SLC6A8: variants seen among roughly 807,000 people sequenced by gnomAD.
SLC6A8 encodes the protein sodium- and chloride-dependent creatine transporter 1.
In SLC6A8, 6 loss-of-function variants were observed where a neutral mutation model predicts 48.3. The ratio of observed to expected loss-of-function variants is 0.12; its 90% CI spans 0.07 to 0.25. SLC6A8 has a LOEUF of 0.25. Among genes scored for constraint, SLC6A8 ranks in the 10% least tolerant of loss-of-function variants. The pLI, the probability that SLC6A8 is intolerant of heterozygous loss-of-function variation, is 1.00. For synonymous variants in SLC6A8, 245 were observed against 244.0 expected (o/e 1.00, Z -0.04); for missense variants, 260 against 551.5 (o/e 0.47, Z 5.29).
chrX:153,689,638 G>A (rs1309958039), intron 1 of SLC6A8: 4 of 583,443 alleles, frequency 6.9e-6, no homozygotes, highest in Non-Finnish European at 8.3e-6. Context: ...GTAGTGGAGC[G>A]AGCCCAGCCA....
chrX:153,688,634 C>A lies in SLC6A8; in HGVS notation c.60C>A (p.Gly20=). The change falls in exon 1 of 13, where the codon GGC becomes GGA. Residue 20 remains glycine, a synonymous_variant. Transcript: ENST00000253122. ...GCGTGTCCGGCGACGAGAAGAAGGG[C>A]CCCCTCATCGCGCCCGGGCCCGACG... ...IYSVSGDEKK[G]PLIAPGPDGA... 1 of 1,079,259 alleles carries A rather than the reference C, an allele frequency of 9.3e-7. No homozygotes were observed. The allele number at this position is 1,079,259 out of a possible 1,213,427, so 88.9% of individuals were successfully genotyped here. A position where few individuals can be genotyped will look rare whatever the true frequency, so the allele number is the denominator to read the frequency against.
rs1557045409 is a variant in SLC6A8 at position 153,694,204 on chromosome X, G to A, written c.1329G>A (p.Arg443=). ...CCTCCTACTACTTCCGTTTCCAAAGGGAGATCTCTGTGGCCCTCTGTTGTG... is the reference window on the plus strand; with the variant it reads ...CCTCCTACTACTTCCGTTTCCAAAGAGAGATCTCTGTGGCCCTCTGTTGTG... ...LPASYYFRFQ[R]EISVALCCAL... Residue 443 remains arginine (R), a synonymous_variant, in exon 9 of 13, where the codon AGG becomes AGA. Transcript: ENST00000253122. The A allele has an allele frequency of 8.3e-7, 1 of 1,210,797 alleles. No homozygotes were observed. The highest frequency in any genetic ancestry group is 1.1e-6 in the Non-Finnish European group (1 of 894,715).
chrX:153,693,292 C>T lies in SLC6A8; in HGVS notation c.942C>T (p.Phe314=). Residue 314 remains phenylalanine (F), a synonymous_variant, in exon 6 of 13, where the codon TTC becomes TTT. Transcript: ENST00000253122. ...QVWIDAGTQI[F]FSYAIGLGAL... Reference sequence around the variant, plus strand: ...GGATAGATGCGGGGACCCAGATTTTCTTTTCTTACGCCATTGGCCTGGGGG... The same window carrying T: ...GGATAGATGCGGGGACCCAGATTTTTTTTTCTTACGCCATTGGCCTGGGGG... The T allele has an allele frequency of 8.3e-7, 1 of 1,211,695 alleles. No individual in the cohort carries two copies. The highest frequency in any genetic ancestry group is 1.8e-5 in the South Asian group (1 of 57,014).
chrX:153,692,944 C>G (rs782429392), intron 4 of SLC6A8, 97 bp from the exon 5 acceptor site: 5 of 1,067,533 alleles, frequency 4.7e-6, no homozygotes, highest in African/African-American at 1.8e-5. Context: ...ATGGGGACCT[C>G]TGAACATACC....
chrX:153,690,901 C>A (rs2091452418), intron 2 of SLC6A8: 2 of 242,366 alleles, frequency 8.3e-6, no homozygotes, highest in East Asian at 9.7e-5. Flanking sequence ...AACCCCCCCC[C>A]CCCACCACCA....
In SLC6A8 at chrX:153,694,518, C is replaced by G; in HGVS notation, c.1496-15C>G. 1 of 1,204,766 alleles carries G rather than the reference C, an allele frequency of 8.3e-7. No homozygotes were observed. The highest frequency in any genetic ancestry group is 3.0e-5 in the East Asian group (1 of 33,807). ...CAGGTCTCCAGCTTGGCCCTCCCGC[C>G]TCACCTCGCCGCAGGAGCTGACCGC... is the stretch of plus-strand genomic sequence containing the variant. On this transcript the variant is annotated splice_polypyrimidine_tract_variant and intron_variant, in intron 10 of 12. Transcript: ENST00000253122.
intron 2 of SLC6A8, 59 bp downstream of exon 2, chrX:153,690,565 G>C: frequency 8.9e-7 from 1 of 1,127,080 alleles, no homozygotes; most frequent in Non-Finnish European, 1.2e-6. Context: ...GCTCCCACTT[G>C]AGAAATCTTT....
Position 153,696,331 on chromosome X carries a change from C to A in SLC6A8, c.*1117C>A. ...TGCGGGGCACACCCCCAGGAAGGGA[C>A]CCTGGACACGGCTCCCACGTCCAGG... is the stretch of plus-strand genomic sequence containing the variant. On this transcript the variant is annotated 3_prime_UTR_variant, in exon 13 of 13. Transcript: ENST00000253122. 6.1e-6 allele frequency: 2 copies of A among 330,409 alleles called. No homozygotes were observed. Among genetic ancestry groups the A allele is most frequent in the Non-Finnish European group, 1.2e-5 (2 of 169,314 alleles). 27.2% of individuals were successfully genotyped at this position (330,409 alleles called of 1,213,427 possible).
chrX:153,693,718 G>A (rs2091470627), intron 7 of SLC6A8, 132 bp downstream of exon 7: 2 of 870,129 alleles, frequency 2.3e-6, no homozygotes, highest in South Asian at 2.1e-5. Context: ...GTGGGCCTGT[G>A]GGGGCAGGTC....
intron 1 of SLC6A8, 59 bp downstream of exon 1, chrX:153,688,895 C>A (rs782807678): frequency 1.5e-4 from 118 of 778,323 alleles, no homozygotes; most frequent in Non-Finnish European, 1.7e-4. Context: ...CCCCGCCCGA[C>A]CCCCGGAGCC....
Position 153,695,579 on chromosome X carries a change from C to A in SLC6A8, c.*365C>A, listed in dbSNP as rs2091486286. On this transcript the variant is annotated 3_prime_UTR_variant, in exon 13 of 13. Coordinates refer to ENST00000253122, the MANE Select transcript of SLC6A8 (RefSeq NM_005629.4). Reference sequence around the variant, plus strand: ...CAGCACACCCGTGGGTGACCCCTCACCCCAGAAGCAGCAGTGGCAGCTTGG... The same window carrying A: ...CAGCACACCCGTGGGTGACCCCTCAACCCAGAAGCAGCAGTGGCAGCTTGG... The A allele has an allele frequency of 4.5e-6, 1 of 223,820 alleles. No homozygotes were observed. The highest frequency in any genetic ancestry group is 8.0e-6 in the Non-Finnish European group (1 of 125,248). 18.4% of individuals were successfully genotyped at this position (223,820 alleles called of 1,213,427 possible). A position where few individuals can be genotyped will look rare whatever the true frequency, so the allele number is the denominator to read the frequency against.
intron 2 of SLC6A8, 148 bp from the exon 3 acceptor site, chrX:153,691,156 G>C: frequency 1.6e-6 from 1 of 622,719 alleles, no homozygotes; most frequent in Non-Finnish European, 2.6e-6. Flanking sequence ...CTCACACAAG[G>C]GGGAGCCCAG....
chrX:153,692,926 G>A (rs782770235), intron 4 of SLC6A8, 115 bp from the exon 5 acceptor site: 36 of 959,884 alleles, frequency 3.8e-5, no homozygotes, highest in African/African-American at 7.6e-5. Flanking sequence ...GCCATGGCTC[G>A]GAGGACAATG....
chrX:153,693,681 G>A (rs782762088), intron 7 of SLC6A8, 95 bp downstream of exon 7: 181 of 1,029,443 alleles, frequency 1.8e-4, no homozygotes, highest in Admixed American at 2.2e-4. Flanking sequence ...GAAAAGTGAC[G>A]AGGATTCAAA....
At chrX:153,689,938 AGTC>A (rs1349950840) in intron 1 of SLC6A8, among the ~76,000 whole-genome samples, 37 of 112,613 alleles carry the variant, frequency 3.3e-4, no homozygotes, top group Non-Finnish European at 5.6e-4. Context: ...AGGGCAGGAC[AGTC>A]GCGCTCCCTG....
rs1202994172 is a variant in SLC6A8 at position 153,695,288 on chromosome X, A to AG, written c.*79dup. The AG allele has an allele frequency of 9.4e-7, 1 of 1,061,655 alleles. No individual in the cohort carries two copies. The highest frequency in any genetic ancestry group is 2.6e-5 in the Admixed American group (1 of 38,533). The allele number at this position is 1,061,655 out of a possible 1,213,427, so 87.5% of individuals were successfully genotyped here. On this transcript the variant is annotated 3_prime_UTR_variant, in exon 13 of 13. Transcript: ENST00000253122. ...TGCTTCAGCCCCACCGCACCCCTCC[A>AG]GGGGGCCTGCCTTTCCCTGACACTT...
At chrX:153,693,792 A>G in intron 7 of SLC6A8, 113 bp from the exon 8 acceptor site, 1 of 812,507 alleles carries the variant, frequency 1.2e-6, no homozygotes, top group Non-Finnish European at 1.8e-6. Context: ...CCCAGGGTTG[A>G]CAGCGCCTCT....
At chrX:153,689,854 C>T (rs1390258344) in intron 1 of SLC6A8, among the ~76,000 whole-genome samples, 3 of 112,289 alleles carry the variant, frequency 2.7e-5, no homozygotes, top group Admixed American at 9.3e-5. Flanking sequence ...CCTTGCACAT[C>T]GCCATCCCAC....
chrX:153,691,301 C>T lies in SLC6A8; in HGVS notation c.395-3C>T. The T allele has an allele frequency of 8.4e-7, 1 of 1,194,505 alleles. No homozygotes were observed. The highest frequency in any genetic ancestry group is 1.1e-6 in the Non-Finnish European group (1 of 886,959). On this transcript the variant is annotated splice_region_variant and splice_polypyrimidine_tract_variant and intron_variant, in intron 2 of 12. Coordinates refer to ENST00000253122, the MANE Select transcript of SLC6A8 (RefSeq NM_005629.4). The stretch of plus-strand genomic sequence containing the variant: ...CTACATGGCAAGGACTTCCCGGCCC[C>T]AGGCCTGGGCTACGCCTCCATGGTG...
Sources: gnomAD v4.1 joint callset for allele counts (sites outside exome capture counted in the v4.1 genomes callset) on GRCh38, gnomAD v4.1.1 for gene constraint, MANE v1.5 for transcripts, NCBI Gene and HGNC (gene_info 2026-07-23, HGNC 2026-07-21) for gene names.